Variants in OSBPL9 observed in about 807,000 individuals in gnomAD.
OSBPL9 encodes the protein oxysterol binding protein like 9.
OSBPL9 carries 40 observed loss-of-function variants against 106.6 expected under a neutral mutation model. That is an observed-to-expected ratio of 0.38 (90% CI 0.29 to 0.49). OSBPL9 has a LOEUF of 0.49. OSBPL9 is among the 20% of genes least tolerant of loss of function. The probability of loss-of-function intolerance (pLI) is 0.97; values close to 1 mark genes in which losing one functional copy is unlikely to be tolerated. For synonymous variants in OSBPL9, 269 were observed against 295.4 expected (o/e 0.91, Z 0.92); for missense variants, 609 against 887.2 (o/e 0.69, Z 3.98).
chr1:51,744,093 A>AAAAAG (rs1463244269), intron 4 of OSBPL9, among the ~76,000 whole-genome samples: 1 of 152,172 alleles, frequency 6.6e-6, no homozygotes, highest in Non-Finnish European at 1.5e-5. Context: ...TTTGAATTTG[A>AAAAAG]AAAAGAAAAC....
chr1:51,710,568 G>A lies in OSBPL9; in HGVS notation c.242-3435G>A, dbSNP rs553364080. Among the ~76,000 whole-genome samples the A allele has an allele frequency of 3.3e-5, 5 of 152,284 alleles. No individual in the cohort carries two copies. The South Asian group carries it at 1.0e-3, about 32-fold the overall frequency. ...GAATTTTATTTAATGAGCATCTGCC[G>A]ATAGCAGATTCTGGTTTTGTCAGTC... On this transcript the variant is annotated intron_variant, in intron 3 of 23. Coordinates refer to ENST00000428468, the MANE Select transcript of OSBPL9 (RefSeq NM_024586.6).
At chr1:51,724,506 G>A (rs1014579548) in intron 4 of OSBPL9, among the ~76,000 whole-genome samples, 2 of 151,810 alleles carry the variant, frequency 1.3e-5, no homozygotes, top group Non-Finnish European at 2.9e-5. Flanking sequence ...GGCTGGTCTC[G>A]AACTCCTGAC....
chr1:51,758,486 C>T (rs1003450826), intron 9 of OSBPL9, among the ~76,000 whole-genome samples: 27 of 150,846 alleles, frequency 1.8e-4, no homozygotes, highest in South Asian at 2.1e-4. Context: ...TTTAATGATA[C>T]GGCATTTAAC....
intron 2 of OSBPL9, among the ~76,000 whole-genome samples, chr1:51,600,337 C>A (rs1042879059): frequency 6.6e-6 from 1 of 152,158 alleles, no homozygotes; most frequent in African/African-American, 2.4e-5. Flanking sequence ...CTTGTTCTGT[C>A]TCTTACCAAC....
the OSBPL9 span, among the ~76,000 whole-genome samples, chr1:51,554,714 C>A: frequency 6.6e-6 from 1 of 152,138 alleles, no homozygotes; most frequent in South Asian, 2.1e-4. Context: ...TAGTGAACAA[C>A]TGAGGAGTCA....
chr1:51,569,930 C>G, the OSBPL9 span, among the ~76,000 whole-genome samples: 2 of 152,190 alleles, frequency 1.3e-5, no homozygotes, highest in Non-Finnish European at 1.5e-5. Flanking sequence ...CTCCACTTTA[C>G]AATCAGGAGG....
Position 51,669,092 on chromosome 1 carries a change from C to T in OSBPL9, c.163-342C>T, listed in dbSNP as rs1027456101. ...AACCTGGTGAGGTGTAGGTTTTTGA[C>T]TCCCATTTTAGAGAGCATTCTGAAG... is the stretch of plus-strand genomic sequence containing the variant. On this transcript the variant is annotated intron_variant, in intron 2 of 23. Transcript: ENST00000428468. Among the ~76,000 whole-genome samples, 7 of 152,274 alleles carry T rather than the reference C, an allele frequency of 4.6e-5. No homozygotes were observed. In the East Asian group the frequency reaches 9.6e-4, roughly 21 times the overall value.
intron 9 of OSBPL9, chr1:51,760,403 G>C: frequency 3.6e-6 from 1 of 275,934 alleles, no homozygotes; most frequent in Non-Finnish European, 6.8e-6. Context: ...TTGAGAGGTG[G>C]TTTTGACTTC....
chr1:51,593,236 G>A (rs80349370), intron 1 of OSBPL9, among the ~76,000 whole-genome samples: 6 of 151,982 alleles, frequency 3.9e-5, no homozygotes, highest in Admixed American at 3.9e-4. Flanking sequence ...AATAAATAGT[G>A]GGGAAAAAAG....
At chr1:51,580,409 C>T (rs528768217) in intron 1 of OSBPL9, among the ~76,000 whole-genome samples, 3 of 152,126 alleles carry the variant, frequency 2.0e-5, no homozygotes, top group African/African-American at 7.2e-5. Context: ...TTAATTAAGA[C>T]AATAATGTAA....
At chr1:51,688,736 A>G (rs1654356517) in intron 3 of OSBPL9, among the ~76,000 whole-genome samples, 1 of 152,164 alleles carries the variant, frequency 6.6e-6, no homozygotes, top group African/African-American at 2.4e-5. Flanking sequence ...GTAAGTCCTA[A>G]ATGTAGGGAG....
the OSBPL9 span, among the ~76,000 whole-genome samples, chr1:51,539,068 T>A: frequency 0.032 from 4,835 of 152,298 alleles, 123 homozygotes; most frequent in East Asian, 0.13. Flanking sequence ...ATGCTGATCA[T>A]GCTAATGACT....
chr1:51,557,671 G>A, the OSBPL9 span, among the ~76,000 whole-genome samples: 1 of 152,190 alleles, frequency 6.6e-6, no homozygotes, highest in Admixed American at 6.5e-5. Flanking sequence ...ATAGGTTTGG[G>A]CACTTGTTAG....
At chr1:51,569,662 A>T in the OSBPL9 span, 2 of 152,138 alleles carry the variant, frequency 1.3e-5, no homozygotes, top group African/African-American at 4.8e-5. Context: ...TTTACTGAAA[A>T]CTGAAACACC....
At chr1:51,521,544 ACT>A in the OSBPL9 span, among the ~76,000 whole-genome samples, 18 of 152,098 alleles carry the variant, frequency 1.2e-4, no homozygotes, top group African/African-American at 4.1e-4. Context: ...AGGAATTATT[ACT>A]GTTTTAACTT....
At chr1:51,603,289 T>C (rs1645332584) in intron 2 of OSBPL9, among the ~76,000 whole-genome samples, 1 of 152,232 alleles carries the variant, frequency 6.6e-6, no homozygotes, top group Non-Finnish European at 1.5e-5. Flanking sequence ...ACAAGTTATG[T>C]GCTGGTGAAA....
upstream of OSBPL9, chr1:51,577,173 T>A (rs1372461883): frequency 1.3e-5 from 2 of 152,160 alleles, no homozygotes; most frequent in African/African-American, 2.4e-5. Flanking sequence ...CTCTTCACTT[T>A]CCGCCATGAT....
chr1:51,544,837 C>T, the OSBPL9 span, among the ~76,000 whole-genome samples: 2,252 of 80,432 alleles, frequency 0.028, 54 homozygotes, highest in African/African-American at 0.07. Context: ...AAGAGACATG[C>T]TTTTTTTTTT....
At chr1:51,573,616 C>T (rs112280574), upstream of OSBPL9, among the ~76,000 whole-genome samples, 1,089 of 150,272 alleles carry the variant, frequency 7.2e-3, 12 homozygotes, top group African/African-American at 0.026. Context: ...GAGATGGAGA[C>T]CATCCTGGCC....
Sources: gnomAD v4.1 joint callset for allele counts (sites outside exome capture counted in the v4.1 genomes callset) on GRCh38, gnomAD v4.1.1 for gene constraint, MANE v1.5 for transcripts, NCBI Gene and HGNC (gene_info 2026-07-23, HGNC 2026-07-21) for gene names.